The following APBB2 variants were observed in gnomAD, a reference collection of about 807,000 sequenced individuals.
The protein encoded by APBB2 is Fe65-like 1.
Under a neutral mutation model 82.5 loss-of-function variants are expected in APBB2, and 38 were observed. That is an observed-to-expected ratio of 0.46 (90% CI 0.36 to 0.60). APBB2 has a LOEUF of 0.60. Ranked by LOEUF, APBB2 falls within the 20% of genes least tolerant of loss-of-function variation. The pLI, the probability that APBB2 is intolerant of heterozygous loss-of-function variation, is 0.00. For synonymous variants in APBB2, 341 were observed against 368.2 expected, an observed-to-expected ratio of 0.93 and a Z score of 0.85; for missense variants, 772 against 972.3, an observed-to-expected ratio of 0.79 and a Z score of 2.74.
chr4:41,117,583 G>A (rs532416535), intron 2 of APBB2, among the ~76,000 whole-genome samples: 2 of 152,110 alleles, frequency 1.3e-5, no homozygotes, highest in East Asian at 1.9e-4. Context: ...GAGGCACCAC[G>A]CCTGGCCTAG....
chr4:40,919,181 AG>A (rs1248265962), intron 10 of APBB2, among the ~76,000 whole-genome samples: 1 of 152,200 alleles, frequency 6.6e-6, no homozygotes, highest in Non-Finnish European at 1.5e-5. Flanking sequence ...GTAAAGAAAA[AG>A]GGACAGTAAT....
At chr4:41,131,677 C>A (rs914816387) in intron 2 of APBB2, among the ~76,000 whole-genome samples, 1 of 152,068 alleles carries the variant, frequency 6.6e-6, no homozygotes, top group Admixed American at 6.5e-5. Flanking sequence ...TTTAACAAAC[C>A]ATTTTAGGAA....
intron 12 of APBB2, among the ~76,000 whole-genome samples, chr4:40,866,408 T>C (rs1244695440): frequency 6.6e-6 from 1 of 152,154 alleles, no homozygotes; most frequent in South Asian, 2.1e-4. Flanking sequence ...GCTTACCCGA[T>C]GATCGTTACT....
At chr4:40,976,285 C>T (rs1367153021) in intron 6 of APBB2, among the ~76,000 whole-genome samples, 1 of 151,946 alleles carries the variant, frequency 6.6e-6, no homozygotes, top group Non-Finnish European at 1.5e-5. Context: ...AGCCAAAAAT[C>T]CCAGTTTCAT....
intron 6 of APBB2, among the ~76,000 whole-genome samples, chr4:40,951,122 G>T (rs7658815): frequency 2.0e-5 from 3 of 152,032 alleles, no homozygotes; most frequent in Admixed American, 1.3e-4. Context: ...TACCTGGAGT[G>T]GGGGAGAGAC....
At chr4:40,896,219 C>T (rs776603982) in intron 10 of APBB2, among the ~76,000 whole-genome samples, 4 of 152,290 alleles carry the variant, frequency 2.6e-5, no homozygotes, top group South Asian at 2.1e-4. Context: ...TGTACACCAC[C>T]GTGCCCGGCT....
At chr4:40,843,718 A>G (rs1454608276) in intron 12 of APBB2, among the ~76,000 whole-genome samples, 1 of 152,248 alleles carries the variant, frequency 6.6e-6, no homozygotes, top group Non-Finnish European at 1.5e-5. Flanking sequence ...TAATGATTAC[A>G]GTAACACCAG....
intron 1 of APBB2, among the ~76,000 whole-genome samples, chr4:41,183,843 G>A (rs965321479): frequency 1.3e-5 from 2 of 151,734 alleles, no homozygotes; most frequent in African/African-American, 4.8e-5. Context: ...GCAGGGGGTG[G>A]GAGGGGGCGG....
chr4:41,064,036 T>A (rs1730783709), intron 4 of APBB2, among the ~76,000 whole-genome samples: 1 of 140,404 alleles, frequency 7.1e-6, no homozygotes, highest in Non-Finnish European at 1.5e-5. Flanking sequence ...TGGAGTGCAG[T>A]GGCGCGATCT....
At chr4:40,914,575 T>C (rs1779387975) in intron 10 of APBB2, among the ~76,000 whole-genome samples, 1 of 152,038 alleles carries the variant, frequency 6.6e-6, no homozygotes, top group African/African-American at 2.4e-5. Context: ...CATAGGTAGA[T>C]AGACAGACAG....
At chr4:41,206,870 G>A (rs1276902364) in intron 1 of APBB2, among the ~76,000 whole-genome samples, 2 of 152,102 alleles carry the variant, frequency 1.3e-5, no homozygotes, top group African/African-American at 4.8e-5. Flanking sequence ...ACAGAAGGAA[G>A]ATCAGAAGGT....
chr4:41,103,137 A>T (rs1343789853), intron 2 of APBB2, among the ~76,000 whole-genome samples: 3 of 152,238 alleles, frequency 2.0e-5, no homozygotes, highest in East Asian at 1.9e-4. Flanking sequence ...AATGCAATTT[A>T]AAAAAGATTG....
intron 1 of APBB2, 96 bp downstream of exon 1, chr4:41,214,309 C>T (rs996244176): frequency 1.3e-5 from 2 of 152,322 alleles, no homozygotes; most frequent in Admixed American, 6.5e-5. Flanking sequence ...CCCGCAGCCG[C>T]TCGCCGCACG....
chr4:40,984,875 A>T (rs150303215), intron 6 of APBB2, among the ~76,000 whole-genome samples: 5,142 of 152,208 alleles, frequency 0.034, 128 homozygotes, highest in Middle Eastern at 0.071. Flanking sequence ...CTCTTGGTGA[A>T]CACCGTATTT....
intron 7 of APBB2, among the ~76,000 whole-genome samples, chr4:40,942,975 C>T (rs1324858599): frequency 6.6e-6 from 1 of 152,334 alleles, no homozygotes; most frequent in South Asian, 2.1e-4. Context: ...CCCGCCTGGG[C>T]CTCTGCAGGC....
At chr4:41,023,064 T>C (rs1050461442) in intron 5 of APBB2, among the ~76,000 whole-genome samples, 2 of 147,864 alleles carry the variant, frequency 1.4e-5, no homozygotes, top group Non-Finnish European at 1.5e-5. Context: ...AATAAATTCT[T>C]ACTCAACTCT....
intron 12 of APBB2, among the ~76,000 whole-genome samples, chr4:40,847,627 G>A (rs762086044): frequency 2.0e-5 from 3 of 152,108 alleles, no homozygotes; most frequent in Non-Finnish European, 4.4e-5. Context: ...GTGCAGACAA[G>A]CCTCCTACTT....
In APBB2 at chr4:41,142,635, G is replaced by A. The variant is rs571282473; in HGVS notation, c.-261+352C>T. 6.6e-5 allele frequency among the ~76,000 whole-genome samples: 10 copies of A among 152,236 alleles called. 1 individual carries two copies. The South Asian group carries it at 1.2e-3, about 19-fold the overall frequency. On this transcript the variant is annotated intron_variant, in intron 2 of 17. Coordinates refer to ENST00000508593, the MANE Select transcript of APBB2 (RefSeq NM_004307.2). ...ATCCAACTCCATGAGGCTGGACGCCGCTTTCTCCCCAAAATAAAGCCAAGA... is the reference window on the plus strand; with the variant it reads ...ATCCAACTCCATGAGGCTGGACGCCACTTTCTCCCCAAAATAAAGCCAAGA...
Position 41,014,087 on chromosome 4 carries a change from C to T in APBB2, c.331G>A (p.Ala111Thr). The part of the protein sequence containing the change: ...KNGENQLRKA[A>T]EQGQQDPNKN... The stretch of plus-strand genomic sequence containing the variant: ...TTGGGGTCCTGCTGCCCTTGCTCTG[C>T]AGCCTTACGGAGCTGGTTCTCCCCA... The change falls in exon 6 of 18, where the codon GCA becomes ACA. Residue 111 changes from alanine to threonine, a missense_variant. Physicochemically the swap from Ala to Thr is moderately conservative, Grantham distance 58. Transcript: ENST00000508593. The T allele has an allele frequency of 6.2e-7, 1 of 1,614,198 alleles. No homozygotes were observed. The highest frequency in any genetic ancestry group is 1.1e-5 in the South Asian group (1 of 91,078).
Sources: allele counts gnomAD v4.1 joint callset (sites outside exome capture counted in the v4.1 genomes callset), GRCh38; gene constraint gnomAD v4.1.1; transcripts MANE v1.5; gene names NCBI Gene and HGNC (gene_info 2026-07-23, HGNC 2026-07-21).